The following CNIH4 variants were observed in gnomAD, a reference collection of about 807,000 sequenced individuals.
CNIH4 encodes the protein protein cornichon homolog 4.
In CNIH4, 9 loss-of-function variants were observed where a neutral mutation model predicts 21.5. The ratio of observed to expected loss-of-function variants is 0.42; its 90% CI spans 0.25 to 0.73. The LOEUF (loss-of-function observed/expected upper bound fraction) is 0.73, where lower values mean the gene tolerates loss of function less well. CNIH4 is among the 30% of genes least tolerant of loss of function. The pLI is 0.27. For missense variants in CNIH4, 159 were observed against 170.0 expected, an observed-to-expected ratio of 0.94 and a Z score of 0.36; for synonymous variants, 67 against 59.1, an observed-to-expected ratio of 1.13 and a Z score of -0.61.
rs530246814 is a variant in CNIH4, at chr1:224,356,918, G to A, written c.-7G>A. On this transcript the variant is annotated 5_prime_UTR_variant, in exon 1 of 5. Coordinates refer to ENST00000465271, the MANE Select transcript of CNIH4 (RefSeq NM_014184.4). The stretch of plus-strand genomic sequence containing the variant: ...GACGGAAGGAGCGGCGGCGACGGAG[G>A]AGGAGGATGGAGGCGGTGGTGTTCG... 101 of 1,606,668 alleles carry A rather than the reference G, an allele frequency of 6.3e-5. 1 individual carries two copies. The South Asian group carries it at 1.0e-3, about 17-fold the overall frequency.
At position 224,375,851 on chromosome 1, in the gene CNIH4, C is replaced by G; in HGVS notation, c.*29C>G. 1 of 1,613,958 alleles carries G rather than the reference C, an allele frequency of 6.2e-7. No individual in the cohort carries two copies. ...TGGAGAAGCCGTGGTTGAAGTCAGC[C>G]TACACTACAGTGCACAGTTGAGGAG... On this transcript the variant is annotated 3_prime_UTR_variant, in exon 5 of 5. Coordinates refer to ENST00000465271, the MANE Select transcript of CNIH4 (RefSeq NM_014184.4).
In CNIH4 at chr1:224,360,490, A is replaced by G; in HGVS notation, c.70-5A>G. On this transcript the variant is annotated splice_polypyrimidine_tract_variant and splice_region_variant and intron_variant, in intron 1 of 4. Coordinates refer to ENST00000465271, the MANE Select transcript of CNIH4 (RefSeq NM_014184.4). ...AATATAATAATTCCTTATCTTGATCATCAGATAATTACATTGTCTGATTTA... is the reference window on the plus strand; with the variant it reads ...AATATAATAATTCCTTATCTTGATCGTCAGATAATTACATTGTCTGATTTA... The G allele has an allele frequency of 7.4e-7, 1 of 1,350,842 alleles. No individual in the cohort carries two copies. The highest frequency in any genetic ancestry group is 1.0e-6 in the Non-Finnish European group (1 of 997,310). 83.7% of individuals were successfully genotyped at this position (1,350,842 alleles called of 1,614,324 possible). A position where few individuals can be genotyped will look rare whatever the true frequency, so the allele number is the denominator to read the frequency against.
chr1:224,357,302 G>T, intron 1 of CNIH4: 1 of 287,362 alleles, frequency 3.5e-6, no homozygotes, highest in Non-Finnish European at 6.4e-6. Context: ...CTCTCCGCTC[G>T]TCCCCGCGGC....
intron 3 of CNIH4, among the ~76,000 whole-genome samples, chr1:224,366,737 TCA>T (rs1156740630): frequency 2.8e-3 from 2 of 714 alleles, no homozygotes; most frequent in African/African-American, 0.011. Context: ...GGTGGGTGGA[TCA>T]CTTGAGGTCA....
At chr1:224,364,465 A>G in intron 2 of CNIH4, 1 of 796,356 alleles carries the variant, frequency 1.3e-6, no homozygotes. Flanking sequence ...GGTAGGTATT[A>G]TGTGTATTTT....
In CNIH4 at chr1:224,375,988, C is replaced by A; in HGVS notation, c.*166C>A. ...TTTACCATATAAAGTATTTAAAAAA[C>A]ATGAATTGAGTTTCTGTAGATTTCT... is the stretch of plus-strand genomic sequence containing the variant. On this transcript the variant is annotated 3_prime_UTR_variant, in exon 5 of 5. Transcript: ENST00000465271. 7.7e-7 allele frequency: 1 copy of A among 1,290,580 alleles called. No individual in the cohort carries two copies. Among genetic ancestry groups the A allele is most frequent in the South Asian group, 2.7e-5 (1 of 36,406 alleles). 79.9% of individuals were successfully genotyped at this position (1,290,580 alleles called of 1,614,324 possible). A position where few individuals can be genotyped will look rare whatever the true frequency, so the allele number is the denominator to read the frequency against.
At chr1:224,357,303 T>G in intron 1 of CNIH4, 3 of 277,890 alleles carry the variant, frequency 1.1e-5, no homozygotes, top group East Asian at 7.5e-5. Flanking sequence ...TCTCCGCTCG[T>G]CCCCGCGGCG....
intron 1 of CNIH4, among the ~76,000 whole-genome samples, chr1:224,359,959 C>T (rs1672228232): frequency 1.3e-5 from 2 of 152,116 alleles, no homozygotes; most frequent in African/African-American, 4.8e-5. Context: ...TAGTGAAACC[C>T]CGTCTCTACT....
chr1:224,376,057 T>C lies in CNIH4; in HGVS notation c.*235T>C. On this transcript the variant is annotated 3_prime_UTR_variant, in exon 5 of 5. Transcript: ENST00000465271. ...GAACGCCAACACTTGAAGGTGTTTT[T>C]CATCCTCTGTATGTTGAAGGTGGTT... 1 of 1,231,638 alleles carries C rather than the reference T, an allele frequency of 8.1e-7. No individual in the cohort carries two copies. The highest frequency in any genetic ancestry group is 1.5e-5 in the African/African-American group (1 of 64,992). 76.3% of individuals were successfully genotyped at this position (1,231,638 alleles called of 1,614,324 possible).
chr1:224,369,607 T>G (rs1672564898), intron 3 of CNIH4, among the ~76,000 whole-genome samples: 1 of 151,500 alleles, frequency 6.6e-6, no homozygotes, highest in Non-Finnish European at 1.5e-5. Context: ...TAAAAAAGTA[T>G]AACTGGATCG....
rs1167021429 is a variant in CNIH4 at position 224,376,698 on chromosome 1, C to T, written c.*876C>T. 1 of 985,408 alleles carries T rather than the reference C, an allele frequency of 1.0e-6. No homozygotes were observed. Among genetic ancestry groups the T allele is most frequent in the Non-Finnish European group, 1.2e-6 (1 of 829,934 alleles). The allele number at this position is 985,408 out of a possible 1,614,324, so 61.0% of individuals were successfully genotyped here. On this transcript the variant is annotated 3_prime_UTR_variant, in exon 5 of 5. Transcript: ENST00000465271. ...GTGGTGCCAGATCAACACTTCTATCCCTCTGCACTGACCACGTTGTGAACT... is the reference window on the plus strand; with the variant it reads ...GTGGTGCCAGATCAACACTTCTATCTCTCTGCACTGACCACGTTGTGAACT...
intron 3 of CNIH4, among the ~76,000 whole-genome samples, chr1:224,368,545 A>C (rs1672532333): frequency 6.6e-6 from 1 of 152,186 alleles, no homozygotes; most frequent in South Asian, 2.1e-4. Flanking sequence ...GAGATGAAGT[A>C]CAGTAGTCCA....
chr1:224,376,211 A>G lies in CNIH4; in HGVS notation c.*389A>G. On this transcript the variant is annotated 3_prime_UTR_variant, in exon 5 of 5. Coordinates refer to ENST00000465271, the MANE Select transcript of CNIH4 (RefSeq NM_014184.4). ...TTCAGGTCTACTGAAAAGTTAGAGT[A>G]CAAAACAACACTGTTGATCTGGACA... 2.0e-6 allele frequency: 2 copies of G among 999,430 alleles called. No individual in the cohort carries two copies. The highest frequency in any genetic ancestry group is 2.4e-6 in the Non-Finnish European group (2 of 839,596). 61.9% of individuals were successfully genotyped at this position (999,430 alleles called of 1,614,324 possible). A position where few individuals can be genotyped will look rare whatever the true frequency, so the allele number is the denominator to read the frequency against.
Position 224,379,193 on chromosome 1 carries a change from A to G in CNIH4, c.*3371A>G. 8.3e-7 allele frequency: 1 copy of G among 1,206,938 alleles called. No homozygotes were observed. The highest frequency in any genetic ancestry group is 1.3e-5 in the South Asian group (1 of 77,024). 74.8% of individuals were successfully genotyped at this position (1,206,938 alleles called of 1,614,324 possible). A position where few individuals can be genotyped will look rare whatever the true frequency, so the allele number is the denominator to read the frequency against. ...CCTCAGCTGCCTTTTCATGCCTGCC[A>G]CAGACTACAGTAGGACAAAACCTGA... On this transcript the variant is annotated 3_prime_UTR_variant, in exon 5 of 5. Coordinates refer to ENST00000465271, the MANE Select transcript of CNIH4 (RefSeq NM_014184.4).
rs745335191 is a variant in CNIH4 at position 224,356,889 on chromosome 1, G to A, written c.-36G>A. On this transcript the variant is annotated 5_prime_UTR_variant, in exon 1 of 5. Transcript: ENST00000465271. ...GGGGTGGGTCGGGGCATCCGAGCGG[G>A]TTTGACGGAAGGAGCGGCGGCGACG... 1.2e-5 allele frequency: 19 copies of A among 1,574,224 alleles called. No homozygotes were observed. Among genetic ancestry groups the A allele is most frequent in the Non-Finnish European group, 1.6e-5 (18 of 1,154,736 alleles).
At chr1:224,374,896 C>T (rs1672737553) in intron 4 of CNIH4, among the ~76,000 whole-genome samples, 1 of 152,090 alleles carries the variant, frequency 6.6e-6, no homozygotes, top group South Asian at 2.1e-4. Flanking sequence ...GCATTGAGTA[C>T]ATTTAGTATG....
At chr1:224,373,739 A>G (rs935659233) in intron 4 of CNIH4, among the ~76,000 whole-genome samples, 16 of 152,068 alleles carry the variant, frequency 1.1e-4, no homozygotes, top group Admixed American at 6.6e-5. Context: ...GAGGCAGGAG[A>G]ATCGCTTGAA....
At chr1:224,359,864 GA>G (rs1054284897) in intron 1 of CNIH4, among the ~76,000 whole-genome samples, 2 of 150,676 alleles carry the variant, frequency 1.3e-5, no homozygotes, top group African/African-American at 2.4e-5. Context: ...CCCGGCTAAT[GA>G]AAAAAAAAGA....
At chr1:224,360,668 G>T (rs937277855) in intron 2 of CNIH4, 105 bp downstream of exon 2, 5 of 505,584 alleles carry the variant, frequency 9.9e-6, no homozygotes, top group African/African-American at 2.0e-5. Flanking sequence ...AGTACATGTT[G>T]TCTCTTATTC....
Sources: allele counts gnomAD v4.1 joint callset (sites outside exome capture counted in the v4.1 genomes callset), GRCh38; gene constraint gnomAD v4.1.1; transcripts MANE v1.5; gene names NCBI Gene and HGNC (gene_info 2026-07-23, HGNC 2026-07-21).